BCL2L14: variants seen among roughly 807,000 people sequenced by gnomAD.
BCL2L14 encodes apoptosis facilitator Bcl-2-like protein 14.
In BCL2L14, 27 loss-of-function variants were observed where a neutral mutation model predicts 35.3. That is an observed-to-expected ratio of 0.76 (90% CI 0.56 to 1.05). The LOEUF (loss-of-function observed/expected upper bound fraction) is 1.05. Among genes scored for constraint, BCL2L14 ranks in the 50% least tolerant of loss-of-function variants. BCL2L14 has a pLI of 0.00. For missense variants in BCL2L14, 377 were observed against 382.6 expected (o/e 0.99, Z 0.12); for synonymous variants, 139 against 145.9 (o/e 0.95, Z 0.34).
chr12:12,082,665 T>G (rs1948953281), intron 2 of BCL2L14, among the ~76,000 whole-genome samples: 1 of 152,220 alleles, frequency 6.6e-6, no homozygotes, highest in African/African-American at 2.4e-5. Flanking sequence ...CAAAAACACT[T>G]AGGTGATGTG....
Position 12,099,275 on chromosome 12 carries a change from T to G in BCL2L14, c.*287T>G. The G allele has an allele frequency of 2.5e-6, 1 of 392,522 alleles. No individual in the cohort carries two copies. The highest frequency in any genetic ancestry group is 4.6e-6 in the Non-Finnish European group (1 of 216,538). The allele number at this position is 392,522 out of a possible 1,614,324, so 24.3% of individuals were successfully genotyped here. ...TGTTGTTTCAAACGTTCAGAACAGA[T>G]ACCATCATCCTGCCTTTGTTAGCTG... On this transcript the variant is annotated 3_prime_UTR_variant, in exon 6 of 6. Transcript: ENST00000308721.
chr12:12,053,005 C>T (rs879204863), intron 2 of BCL2L14, among the ~76,000 whole-genome samples: 7 of 152,126 alleles, frequency 4.6e-5, no homozygotes, highest in Admixed American at 4.6e-4. Flanking sequence ...TGATGCAGCA[C>T]CCATCACCAT....
chr12:12,084,444 T>A (rs1172353427), intron 2 of BCL2L14, among the ~76,000 whole-genome samples: 1 of 152,048 alleles, frequency 6.6e-6, no homozygotes, highest in African/African-American at 2.4e-5. Context: ...GAAAGAGCAG[T>A]CCATAAGGAA....
At chr12:12,095,930 CA>C in intron 5 of BCL2L14, 3 of 985,368 alleles carry the variant, frequency 3.0e-6, no homozygotes, top group Non-Finnish European at 3.6e-6. Flanking sequence ...TCTGAACAAC[CA>C]AGGCCATTCT....
intron 1 of BCL2L14, among the ~76,000 whole-genome samples, chr12:12,078,571 T>C (rs1298186719): frequency 1.3e-5 from 2 of 152,220 alleles, no homozygotes; most frequent in Non-Finnish European, 2.9e-5. Flanking sequence ...ATACGTATGC[T>C]GTCCCAGTTC....
intron 2 of BCL2L14, among the ~76,000 whole-genome samples, chr12:12,083,455 G>C (rs553084756): frequency 4.7e-4 from 72 of 152,318 alleles, no homozygotes; most frequent in African/African-American, 1.6e-3. Flanking sequence ...TCTTTCACTT[G>C]TGAATCTTTT....
At chr12:12,070,703 G>C (rs756416799), upstream of BCL2L14, among the ~76,000 whole-genome samples, 9 of 151,814 alleles carry the variant, frequency 5.9e-5, no homozygotes, top group Non-Finnish European at 1.2e-4. Flanking sequence ...TTAAATATGT[G>C]TACAGTACCT....
chr12:12,061,303 C>T lies in BCL2L14; in HGVS notation c.-272+9456C>T, dbSNP rs1948522410. 2.0e-5 allele frequency among the ~76,000 whole-genome samples: 3 copies of T among 151,684 alleles called. No homozygotes were observed. In the South Asian group the frequency reaches 6.3e-4, roughly 32 times the overall value. ...CAAGTATAAGATACCTCTACTCCCT[C>T]CTTGGCGACCAATCACACACCCCTT... On this transcript the variant is annotated intron_variant, in intron 2 of 3. Coordinates refer to the BCL2L14 transcript ENST00000461264.
chr12:12,082,831 G>C (rs1294618529), intron 2 of BCL2L14, among the ~76,000 whole-genome samples: 5 of 152,106 alleles, frequency 3.3e-5, no homozygotes, highest in African/African-American at 1.2e-4. Flanking sequence ...TCAGTTAATT[G>C]TGTGTTTTTT....
intron 5 of BCL2L14, chr12:12,095,735 T>G (rs1040637663): frequency 1.0e-6 from 1 of 985,214 alleles, no homozygotes; most frequent in Non-Finnish European, 1.2e-6. Context: ...ATGGCTGGAG[T>G]GACCCTGGGA....
intron 1 of BCL2L14, among the ~76,000 whole-genome samples, chr12:12,077,147 TATTACTGCAGCTTCTTTATC>T (rs1948798948): frequency 2.6e-5 from 4 of 152,152 alleles, no homozygotes; most frequent in Admixed American, 2.6e-4. Flanking sequence ...GTCCCCTTAA[TATTACTGCAGCTTCTTTATC>T]ATCACAGCAG....
At chr12:12,060,221 A>C (rs1294659663) in intron 2 of BCL2L14, among the ~76,000 whole-genome samples, 1 of 151,184 alleles carries the variant, frequency 6.6e-6, no homozygotes, top group Non-Finnish European at 1.5e-5. Flanking sequence ...CTGCCCAGCA[A>C]TTTACTCTTG....
intron 5 of BCL2L14, among the ~76,000 whole-genome samples, chr12:12,097,284 C>T (rs1253917855): frequency 1.3e-5 from 2 of 152,154 alleles, no homozygotes; most frequent in South Asian, 2.1e-4. Context: ...GTGGAAGCAA[C>T]CCAAATGTCC....
At chr12:12,092,880 A>G (rs1358545395) in intron 4 of BCL2L14, among the ~76,000 whole-genome samples, 1 of 152,194 alleles carries the variant, frequency 6.6e-6, no homozygotes, top group Admixed American at 6.5e-5. Context: ...TTTAGAAACA[A>G]TATTTGTTGA....
At chr12:12,059,151 G>A (rs1195145675) in intron 2 of BCL2L14, among the ~76,000 whole-genome samples, 2 of 152,144 alleles carry the variant, frequency 1.3e-5, no homozygotes, top group Non-Finnish European at 2.9e-5. Context: ...TCATTGCAAG[G>A]ACACCTCTCT....
At chr12:12,053,228 G>A (rs1212476693) in intron 2 of BCL2L14, among the ~76,000 whole-genome samples, 1 of 152,166 alleles carries the variant, frequency 6.6e-6, no homozygotes, top group Non-Finnish European at 1.5e-5. Context: ...AAATTAGAAA[G>A]CTGAGGCACA....
chr12:12,078,360 C>T (rs997183723), intron 1 of BCL2L14, among the ~76,000 whole-genome samples: 1 of 152,002 alleles, frequency 6.6e-6, no homozygotes, highest in Non-Finnish European at 1.5e-5. Flanking sequence ...TTTCTCTTCC[C>T]TGAATTGGCC....
chr12:12,054,703 C>G (rs544161081), intron 2 of BCL2L14: 1 of 152,136 alleles, frequency 6.6e-6, no homozygotes, highest in Admixed American at 6.5e-5. Context: ...GTAATCCCAG[C>G]ACTTTGGGAG....
chr12:12,098,724 G>A (rs2430612), intron 5 of BCL2L14, among the ~76,000 whole-genome samples: 39,074 of 151,832 alleles, frequency 0.26, 5,187 homozygotes, highest in East Asian at 0.37. Context: ...CATCTTCAAG[G>A]AAAGATCCAG....
Sources: gnomAD v4.1 joint callset for allele counts (sites outside exome capture counted in the v4.1 genomes callset) on GRCh38, gnomAD v4.1.1 for gene constraint, MANE v1.5 for transcripts, NCBI Gene and HGNC (gene_info 2026-07-23, HGNC 2026-07-21) for gene names.